The following ARFGAP3 variants were observed in gnomAD, a reference collection of about 807,000 sequenced individuals.
The protein encoded by ARFGAP3 is ARF GTPase activating protein 3, also known as ADP-ribosylation factor GTPase-activating protein 3.
In ARFGAP3, 72 loss-of-function variants were observed where a neutral mutation model predicts 75.0. The ratio of observed to expected loss-of-function variants is 0.96; its 90% CI spans 0.79 to 1.17. The LOEUF (loss-of-function observed/expected upper bound fraction) is 1.17. Ranked by LOEUF, ARFGAP3 falls within the 50% of genes most tolerant of loss-of-function variation. ARFGAP3 has a pLI of 0.00. For synonymous variants in ARFGAP3, 221 were observed against 217.9 expected, an observed-to-expected ratio of 1.01 and a Z score of -0.13; for missense variants, 620 against 626.6, an observed-to-expected ratio of 0.99 and a Z score of 0.11.
At chr22:42,827,465 C>T (rs1926092816) in intron 6 of ARFGAP3, among the ~76,000 whole-genome samples, 1 of 152,296 alleles carries the variant, frequency 6.6e-6, no homozygotes, top group African/African-American at 2.4e-5. Flanking sequence ...CTCCCGGGTT[C>T]AAGCCATTAT....
chr22:42,809,543 G>A (rs1346110534), intron 12 of ARFGAP3, among the ~76,000 whole-genome samples: 2 of 152,000 alleles, frequency 1.3e-5, no homozygotes, highest in African/African-American at 4.8e-5. Context: ...GGTGACCAGG[G>A]GCCAGGGGCA....
At chr22:42,807,314 C>A in intron 13 of ARFGAP3, 151 bp from the exon 14 acceptor site, 1 of 1,419,736 alleles carries the variant, frequency 7.0e-7, no homozygotes, top group Non-Finnish European at 9.2e-7. Context: ...AGGCCAGGTC[C>A]TGCGGGACAG....
At chr22:42,799,292 A>AGTGG (rs1924751056) in intron 14 of ARFGAP3, 132 bp from the exon 15 acceptor site, 1 of 1,468,122 alleles carries the variant, frequency 6.8e-7, no homozygotes, top group Admixed American at 2.3e-5. Context: ...GGGGCCCAAC[A>AGTGG]GTGGGATGGA....
intron 3 of ARFGAP3, among the ~76,000 whole-genome samples, chr22:42,840,661 T>A (rs954145880): frequency 5.9e-5 from 9 of 151,790 alleles, no homozygotes; most frequent in African/African-American, 2.2e-4. Flanking sequence ...ACTCTTGACC[T>A]CAAGTGATCC....
In ARFGAP3 at chr22:42,797,360, C is replaced by A. The variant is rs1924647952; in HGVS notation, c.*228G>T. On this transcript the variant is annotated 3_prime_UTR_variant, in exon 16 of 16. Coordinates refer to ENST00000263245, the MANE Select transcript of ARFGAP3 (RefSeq NM_014570.5). Reference sequence around the variant, plus strand: ...TAAAGCAAGGATATACACAGAGACGCCAAAGGAGGGTGTGACAGGAAGGAA... The same window carrying A: ...TAAAGCAAGGATATACACAGAGACGACAAAGGAGGGTGTGACAGGAAGGAA... 2 of 604,752 alleles carry A rather than the reference C, an allele frequency of 3.3e-6. No individual in the cohort carries two copies. The highest frequency in any genetic ancestry group is 5.8e-6 in the Non-Finnish European group (2 of 345,930). The allele number at this position is 604,752 out of a possible 1,614,324, so 37.5% of individuals were successfully genotyped here.
intron 12 of ARFGAP3, among the ~76,000 whole-genome samples, 198 bp downstream of exon 12, chr22:42,810,615 G>A (rs902695519): frequency 2.0e-5 from 3 of 152,132 alleles, no homozygotes; most frequent in Admixed American, 6.5e-5. Context: ...GTACACTGGC[G>A]TGATCATAGC....
intron 7 of ARFGAP3, 190 bp from the exon 8 acceptor site, chr22:42,823,892 G>C: frequency 2.5e-6 from 1 of 393,806 alleles, no homozygotes; most frequent in Non-Finnish European, 3.5e-6. Flanking sequence ...TCAAAATGGT[G>C]TCCTCAGTAT....
chr22:42,848,787 A>G (rs990757346), intron 1 of ARFGAP3, among the ~76,000 whole-genome samples: 1 of 152,014 alleles, frequency 6.6e-6, no homozygotes, highest in Non-Finnish European at 1.5e-5. Flanking sequence ...CCCCAGTGAA[A>G]CCCACCTCCT....
intron 14 of ARFGAP3, among the ~76,000 whole-genome samples, chr22:42,799,981 T>A (rs1924783675): frequency 6.6e-6 from 1 of 152,206 alleles, no homozygotes; most frequent in Non-Finnish European, 1.5e-5. Context: ...TGTTAGTTGC[T>A]TAAGTTTTGG....
Position 42,799,051 on chromosome 22 carries a change from C to T in ARFGAP3, c.1521G>A (p.Val507=). 6.2e-7 allele frequency: 1 copy of T among 1,614,176 alleles called. No individual in the cohort carries two copies. Among genetic ancestry groups the T allele is most frequent in the Non-Finnish European group, 8.5e-7 (1 of 1,180,034 alleles). Residue 507 remains valine, a synonymous_variant, in exon 15 of 16, where the codon GTG becomes GTA. Transcript: ENST00000263245. ...CCATTCCACTGACCTGAATTGAAGT[C>T]ACGACTCCATTAGCAAAGACGGAGA... ...GKLSVFANGV[V]TSIQDRYGS
At chr22:42,856,877 C>T (rs1371662547) in intron 1 of ARFGAP3, among the ~76,000 whole-genome samples, 3 of 151,346 alleles carry the variant, frequency 2.0e-5, no homozygotes, top group Non-Finnish European at 4.4e-5. Flanking sequence ...GCGCCGCCGC[C>T]CCCGGGAACG....
intron 6 of ARFGAP3, among the ~76,000 whole-genome samples, chr22:42,830,430 A>T (rs1326630274): frequency 1.3e-5 from 2 of 151,668 alleles, no homozygotes; most frequent in Non-Finnish European, 2.9e-5. Flanking sequence ...CCATCACCCA[A>T]CCCGCGGTTG....
intron 1 of ARFGAP3, among the ~76,000 whole-genome samples, chr22:42,853,194 T>C (rs7364130): frequency 0.19 from 29,031 of 152,230 alleles, 4,480 homozygotes; most frequent in East Asian, 0.56. Context: ...AGTTTAAAAA[T>C]GACAATAGCA....
At chr22:42,821,476 T>C (rs1013964679) in intron 9 of ARFGAP3, among the ~76,000 whole-genome samples, 2 of 152,258 alleles carry the variant, frequency 1.3e-5, no homozygotes, top group African/African-American at 2.4e-5. Flanking sequence ...GACAGAATCA[T>C]ATCATGTGAT....
At chr22:42,856,624 C>T (rs1927512668) in intron 1 of ARFGAP3, among the ~76,000 whole-genome samples, 1 of 152,210 alleles carries the variant, frequency 6.6e-6, no homozygotes, top group African/African-American at 2.4e-5. Flanking sequence ...GCAACTTTAT[C>T]AGAAGAGAAA....
At position 42,817,170 on chromosome 22, in the gene ARFGAP3, C is replaced by T; in HGVS notation, c.1036G>A (p.Asp346Asn). Residue 346 changes from aspartate to asparagine, a missense_variant, in exon 11 of 16, where the codon GAC (aspartate) becomes AAC (asparagine). Transcript: ENST00000263245. ...KPRKKYNDDS[D>N]DSYFTSSSSY... ...GAGCTGGAAGTAAAATATGAATCGT[C>T]ACTGTCATCATTATACTTTTTTCTT... The T allele has an allele frequency of 6.2e-7, 1 of 1,613,006 alleles. No individual in the cohort carries two copies. The highest frequency in any genetic ancestry group is 8.5e-7 in the Non-Finnish European group (1 of 1,179,228).
chr22:42,837,925 G>A (rs1177762003), intron 3 of ARFGAP3, among the ~76,000 whole-genome samples: 2 of 151,112 alleles, frequency 1.3e-5, no homozygotes, highest in Admixed American at 6.6e-5. Flanking sequence ...TCCTGCCTCG[G>A]CCTCCCAAAG....
rs774969757 is a variant in ARFGAP3, at chr22:42,831,549, C to T, written c.565G>A (p.Gly189Ser). The T allele has an allele frequency of 1.9e-6, 3 of 1,613,446 alleles. No homozygotes were observed. The highest frequency in any genetic ancestry group is 4.5e-5 in the East Asian group (2 of 44,830). The stretch of plus-strand genomic sequence containing the variant: ...TACATGACAGTTCTAAGGACTCCAC[C>T]TTCATTATTTTCCAAAGTGGTTTCC... ...PVETTLENNEGGQEQGPSVEG... is the reference protein window; with the variant it reads ...PVETTLENNESGQEQGPSVEG... The change falls in exon 6 of 16, where the codon GGT becomes AGT. Residue 189 changes from glycine (G) to serine (S), a missense_variant and splice_region_variant. By Grantham distance (56) the Gly-to-Ser change is moderately conservative. Transcript: ENST00000263245.
intron 11 of ARFGAP3, among the ~76,000 whole-genome samples, chr22:42,811,791 T>G (rs561745087): frequency 6.6e-6 from 1 of 152,304 alleles, no homozygotes; most frequent in Admixed American, 6.5e-5. Context: ...CCTGTGTGAT[T>G]AGAGAAAAAT....
Sources: allele counts gnomAD v4.1 joint callset (sites outside exome capture counted in the v4.1 genomes callset), GRCh38; gene constraint gnomAD v4.1.1; transcripts MANE v1.5; gene names NCBI Gene and HGNC (gene_info 2026-07-23, HGNC 2026-07-21).